The following TTC3 variants were observed in gnomAD, a reference collection of about 807,000 sequenced individuals.
TTC3 encodes E3 ubiquitin-protein ligase TTC3.
In TTC3, 180 loss-of-function variants were observed where a neutral mutation model predicts 249.6. The observed-to-expected ratio is 0.72, with a 90% CI of 0.64 to 0.82. The LOEUF (loss-of-function observed/expected upper bound fraction) is 0.82. Among genes scored for constraint, TTC3 ranks in the 40% least tolerant of loss-of-function variants. TTC3 has a pLI of 0.00. For missense variants in TTC3, 2,061 were observed against 2,398.4 expected (o/e 0.86, Z 2.94); for synonymous variants, 717 against 805.0 (o/e 0.89, Z 1.85).
At chr21:37,115,590 A>G (rs1568959551) in intron 11 of TTC3, among the ~76,000 whole-genome samples, 1 of 152,232 alleles carries the variant, frequency 6.6e-6, no homozygotes, top group Non-Finnish European at 1.5e-5. Context: ...ACAACTGCAA[A>G]TACCTACATG....
intron 35 of TTC3, among the ~76,000 whole-genome samples, chr21:37,178,519 G>C (rs993104759): frequency 6.6e-6 from 1 of 151,952 alleles, no homozygotes; most frequent in Non-Finnish European, 1.5e-5. Context: ...ATCTCATTGT[G>C]GTTTTGATTT....
intron 1 of TTC3, among the ~76,000 whole-genome samples, chr21:37,073,932 G>A (rs76930439): frequency 0.014 from 2,182 of 152,368 alleles, 125 homozygotes; most frequent in Admixed American, 0.11. Context: ...GCGTCCTTGC[G>A]TGTCTCCGAG....
rs1291872095 is a variant in TTC3, at chr21:37,156,988, T to G, written c.2992+82T>G. On this transcript the variant is annotated intron_variant, in intron 28 of 45. Coordinates refer to ENST00000355666, the Ensembl canonical transcript of TTC3. ...GTGAAGGACCTAGCTTGTTTAAATA[T>G]ATAACAAAGAAAATAGTGAAAATTA... 4.0e-6 allele frequency: 6 copies of G among 1,492,986 alleles called. No individual in the cohort carries two copies. The African/African-American group carries it at 8.4e-5, about 21-fold the overall frequency. 92.5% of individuals were successfully genotyped at this position (1,492,986 alleles called of 1,614,324 possible).
intron 35 of TTC3, among the ~76,000 whole-genome samples, chr21:37,177,134 G>GTAGATTGATCTAGAA (rs2082349964): frequency 6.6e-6 from 1 of 152,130 alleles, no homozygotes; most frequent in African/African-American, 2.4e-5. Context: ...TCAGCTGGCT[G>GTAGATTGATCTAGAA]TAGATTGATC....
At chr21:37,201,605 G>A (rs1412159363) in exon 46 of TTC3, 1 of 1,593,198 alleles carries the variant, frequency 6.3e-7, no homozygotes, top group East Asian at 2.2e-5. Context: ...ATCCACCAGT[G>A]TGTTGAATCC....
intron 28 of TTC3, among the ~76,000 whole-genome samples, chr21:37,157,414 G>A (rs2080208898): frequency 6.6e-6 from 1 of 152,216 alleles, no homozygotes; most frequent in African/African-American, 2.4e-5. Context: ...GATGGGTGTT[G>A]AGAAGGAATT....
intron 29 of TTC3, among the ~76,000 whole-genome samples, chr21:37,160,437 AG>A (rs1297205704): frequency 1.3e-5 from 2 of 152,240 alleles, no homozygotes; most frequent in African/African-American, 4.8e-5. Flanking sequence ...GTGTCTGGTC[AG>A]GTGCAGAATG....
Position 37,166,616 on chromosome 21 carries a change from G to T in TTC3, c.4401+1G>T, listed in dbSNP as rs770850095. 6.2e-7 allele frequency: 1 copy of T among 1,601,386 alleles called. No individual in the cohort carries two copies. Among genetic ancestry groups the T allele is most frequent in the East Asian group, 2.2e-5 (1 of 44,630 alleles). On this transcript the variant is annotated splice_donor_variant, in intron 33 of 45. Transcript: ENST00000355666. LOFTEE classifies it high-confidence loss of function. Reference sequence around the variant, plus strand: ...ACACGTGCAGATGGTTGCCATACAGGTAAGAGTTAAATAGAAAAGTCTTCT... The same window carrying T: ...ACACGTGCAGATGGTTGCCATACAGTTAAGAGTTAAATAGAAAAGTCTTCT...
chr21:37,100,457 G>A lies in TTC3; in HGVS notation c.845+3814G>A, dbSNP rs927867677. On this transcript the variant is annotated intron_variant, in intron 10 of 45. Transcript: ENST00000355666. ...GTATTGTAAGGCCAGTTGCAGAAGC[G>A]TGAAGTGTGCATGGGGAAGCCTGAG... is the stretch of plus-strand genomic sequence containing the variant. 3.3e-5 allele frequency among the ~76,000 whole-genome samples: 5 copies of A among 152,188 alleles called. No individual in the cohort carries two copies. The East Asian group carries it at 5.8e-4, about 18-fold the overall frequency.
At chr21:37,156,743 G>A (rs773549079) in exon 28 of TTC3, 1 of 1,613,922 alleles carries the variant, frequency 6.2e-7, no homozygotes, top group Non-Finnish European at 8.5e-7. Context: ...TCTGGAATGA[G>A]AAATATGGTC....
rs535553705 is a variant in TTC3, at chr21:37,076,847, G to A, written c.-12+3483G>A. Among the ~76,000 whole-genome samples the A allele has an allele frequency of 6.6e-5, 10 of 151,720 alleles. No individual in the cohort carries two copies. The South Asian group carries it at 8.4e-4, about 13-fold the overall frequency. ...CCTCTGAGTAGCTGGGATTACAGGC[G>A]CGCACCACCACACCCGGCTAATTTT... is the stretch of plus-strand genomic sequence containing the variant. On this transcript the variant is annotated intron_variant, in intron 1 of 45. Coordinates refer to ENST00000355666, the Ensembl canonical transcript of TTC3.
chr21:37,160,694 T>G lies in TTC3; in HGVS notation c.3040-108T>G, dbSNP rs1373371616. 4 of 1,119,146 alleles carry G rather than the reference T, an allele frequency of 3.6e-6. No homozygotes were observed. The Admixed American group carries it at 1.0e-4, about 28-fold the overall frequency. 69.3% of individuals were successfully genotyped at this position (1,119,146 alleles called of 1,614,324 possible). ...AGTGTTATTTTTGTTAAACATTTTA[T>G]GTACATTTAACTTATGGCTAGTCTG... On this transcript the variant is annotated intron_variant, in intron 29 of 45. Transcript: ENST00000355666.
At chr21:37,097,840 G>A in intron 10 of TTC3, 2 of 599,296 alleles carry the variant, frequency 3.3e-6, no homozygotes, top group Non-Finnish European at 6.1e-6. Context: ...GAGGGTGGGA[G>A]TGGGGAAGGT....
intron 44 of TTC3, among the ~76,000 whole-genome samples, chr21:37,199,477 T>C (rs940362642): frequency 3.9e-5 from 6 of 152,250 alleles, no homozygotes; most frequent in African/African-American, 1.4e-4. Context: ...GCACTGTCTA[T>C]GCTCACCAGA....
chr21:37,084,770 G>A (rs545254662), intron 1 of TTC3, among the ~76,000 whole-genome samples: 8 of 152,234 alleles, frequency 5.3e-5, no homozygotes, highest in East Asian at 1.9e-4. Flanking sequence ...CGAGGCGGGC[G>A]GATCACAAGG....
At chr21:37,154,690 T>TG (rs575395051) in intron 27 of TTC3, among the ~76,000 whole-genome samples, 2 of 152,076 alleles carry the variant, frequency 1.3e-5, no homozygotes, top group African/African-American at 2.4e-5. Context: ...CATGTGTTTT[T>TG]TTTGTTTGTT....
rs200960934 is a variant in TTC3, at chr21:37,132,640, T to C, written c.1359-42T>C. On this transcript the variant is annotated intron_variant, in intron 16 of 45. Coordinates refer to ENST00000355666, the Ensembl canonical transcript of TTC3. ...ATTTTTTCTTTATATGAGTAGAACT[T>C]TTATTTTAAAATGATTTTTAAAAAT... 476 of 1,523,148 alleles carry C rather than the reference T, an allele frequency of 3.1e-4. 1 individual carries two copies. Among genetic ancestry groups the C allele is most frequent in the Middle Eastern group, 1.2e-3 (5 of 4,342 alleles). 94.4% of individuals were successfully genotyped at this position (1,523,148 alleles called of 1,614,324 possible).
At chr21:37,095,137 A>ATGTGTGTGTG (rs57682889) in intron 8 of TTC3, among the ~76,000 whole-genome samples, 4,114 of 147,524 alleles carry the variant, frequency 0.028, 76 homozygotes, top group Non-Finnish European at 0.038. Context: ...CTCTAAAAAT[A>ATGTGTGTGTG]TGTGTGTGTG....
Position 37,166,558 on chromosome 21 carries a change from TCCAGAAAGCA to T in TTC3, c.4349_4358del (p.Glu1450ValfsTer3). ...ATTCTAACAACAAATGTGAAGTAAT[TCCAGAAAGCA>T]CCAGTGCAGTAACAAACATTCCACA... On this transcript the variant is annotated frameshift_variant, in exon 33 of 46. Transcript: ENST00000355666. LOFTEE classifies it high-confidence loss of function. 2 of 1,613,974 alleles carry T rather than the reference TCCAGAAAGCA, an allele frequency of 1.2e-6. No homozygotes were observed. Among genetic ancestry groups the T allele is most frequent in the Non-Finnish European group, 1.7e-6 (2 of 1,180,018 alleles).
Sources: gnomAD v4.1 joint callset for allele counts (sites outside exome capture counted in the v4.1 genomes callset) on GRCh38, gnomAD v4.1.1 for gene constraint, MANE v1.5 for transcripts, NCBI Gene and HGNC (gene_info 2026-07-23, HGNC 2026-07-21) for gene names.